Variants in LHFPL2 observed in about 807,000 individuals in gnomAD.
LHFPL2 encodes LHFPL tetraspan subfamily member 2 protein.
A neutral mutation model predicts 17.5 loss-of-function variants in LHFPL2; 7 were observed. The ratio of observed to expected loss-of-function variants is 0.40; its 90% CI spans 0.23 to 0.75. The LOEUF is 0.75. Ranked by LOEUF, LHFPL2 falls within the 30% of genes least tolerant of loss-of-function variation. The pLI is 0.37. For synonymous variants in LHFPL2, 134 were observed against 116.2 expected, an observed-to-expected ratio of 1.15 and a Z score of -0.99; for missense variants, 241 against 294.8, an observed-to-expected ratio of 0.82 and a Z score of 1.34.
At chr5:78,583,517 T>G (rs1222383350) in intron 2 of LHFPL2, among the ~76,000 whole-genome samples, 2,323 of 150,052 alleles carry the variant, frequency 0.015, 59 homozygotes, top group African/African-American at 0.054. Flanking sequence ...GTCTGTAAAG[T>G]ATTTTATTTC....
At chr5:78,524,611 G>A (rs181116000) in intron 3 of LHFPL2, among the ~76,000 whole-genome samples, 8 of 151,920 alleles carry the variant, frequency 5.3e-5, no homozygotes, top group Admixed American at 6.6e-5. Context: ...GTGTGGTGGC[G>A]GGCGCCTGTA....
chr5:78,624,453 C>A (rs1744962273), intron 2 of LHFPL2, among the ~76,000 whole-genome samples: 1 of 152,176 alleles, frequency 6.6e-6, no homozygotes. Flanking sequence ...GATAGCAGGC[C>A]AAGTGGTAAA....
Position 78,488,475 on chromosome 5 carries a change from G to GT in LHFPL2, c.*421_*422insA, listed in dbSNP as rs1479604906. 1 of 214,900 alleles carries GT rather than the reference G, an allele frequency of 4.7e-6. No individual in the cohort carries two copies. Among genetic ancestry groups the GT allele is most frequent in the African/African-American group, 2.3e-5 (1 of 43,908 alleles). 13.3% of individuals were successfully genotyped at this position (214,900 alleles called of 1,614,324 possible). A position where few individuals can be genotyped will look rare whatever the true frequency, so the allele number is the denominator to read the frequency against. On this transcript the variant is annotated 3_prime_UTR_variant, in exon 5 of 5. Coordinates refer to ENST00000380345, the MANE Select transcript of LHFPL2 (RefSeq NM_005779.3). ...AACTTGAAAGAACAGAGGAAAACAA[G>GT]AACTCCAACCCAAAACCCCATTCTG...
intron 2 of LHFPL2, among the ~76,000 whole-genome samples, chr5:78,605,939 C>T (rs1744197799): frequency 6.6e-6 from 1 of 152,162 alleles, no homozygotes; most frequent in Admixed American, 6.5e-5. Flanking sequence ...AAATTGCTTT[C>T]GTCAGCCACA....
chr5:78,546,913 T>TGG (rs2112385800), intron 3 of LHFPL2, among the ~76,000 whole-genome samples: 1 of 152,252 alleles, frequency 6.6e-6, no homozygotes, highest in Non-Finnish European at 1.5e-5. Flanking sequence ...TCTGAACCTG[T>TGG]GGTTTGCAAA....
chr5:78,599,827 C>T (rs1485823080), intron 2 of LHFPL2, among the ~76,000 whole-genome samples: 1 of 152,146 alleles, frequency 6.6e-6, no homozygotes, highest in Non-Finnish European at 1.5e-5. Flanking sequence ...CTTCCCATCC[C>T]TTAAAATCTG....
At chr5:78,598,546 G>A (rs1348211765) in intron 2 of LHFPL2, among the ~76,000 whole-genome samples, 1 of 152,176 alleles carries the variant, frequency 6.6e-6, no homozygotes, top group African/African-American at 2.4e-5. Flanking sequence ...TACCTATTAG[G>A]TGGTTTGTAT....
intron 2 of LHFPL2, among the ~76,000 whole-genome samples, chr5:78,601,286 T>C (rs1490264915): frequency 6.6e-6 from 1 of 152,216 alleles, no homozygotes; most frequent in Admixed American, 6.5e-5. Context: ...AAGGGATGAT[T>C]TGGTGTGCCT....
At chr5:78,592,207 G>T (rs1029994851) in intron 2 of LHFPL2, among the ~76,000 whole-genome samples, 1 of 152,186 alleles carries the variant, frequency 6.6e-6, no homozygotes, top group Non-Finnish European at 1.5e-5. Context: ...AATTCTGGAA[G>T]ACTTCAGAAG....
intron 4 of LHFPL2, among the ~76,000 whole-genome samples, chr5:78,501,389 CTCG>C (rs1056878401): frequency 1.3e-5 from 2 of 152,140 alleles, no homozygotes; most frequent in African/African-American, 4.8e-5. Flanking sequence ...TGGACCAGCA[CTCG>C]TTCAAAGGAA....
In LHFPL2 at chr5:78,487,600, AT is replaced by A. The variant is rs1357618187; in HGVS notation, c.*1296del. ...GCTGCTCTGGTCATTCTGAGATACT[AT>A]CTTCCTGAATCAGTGATATTGGTAA... is the stretch of plus-strand genomic sequence containing the variant. On this transcript the variant is annotated 3_prime_UTR_variant, in exon 5 of 5. Transcript: ENST00000380345. 1 of 152,208 alleles carries A rather than the reference AT, an allele frequency of 6.6e-6. No homozygotes were observed. The highest frequency in any genetic ancestry group is 1.9e-4 in the East Asian group (1 of 5,202). The allele number at this position is 152,208 out of a possible 1,614,324, so 9.4% of individuals were successfully genotyped here.
At chr5:78,543,599 C>A (rs1215703047) in intron 3 of LHFPL2, among the ~76,000 whole-genome samples, 1 of 152,178 alleles carries the variant, frequency 6.6e-6, no homozygotes, top group Non-Finnish European at 1.5e-5. Context: ...CCAGGCCTGG[C>A]CTTCTGGCTG....
At chr5:78,562,148 G>A (rs1004279024) in intron 3 of LHFPL2, among the ~76,000 whole-genome samples, 5 of 152,152 alleles carry the variant, frequency 3.3e-5, no homozygotes, top group Admixed American at 6.5e-5. Context: ...TGTTTACTAC[G>A]TATCACACGC....
intron 2 of LHFPL2, among the ~76,000 whole-genome samples, chr5:78,611,819 C>A (rs746171028): frequency 6.6e-6 from 1 of 152,138 alleles, no homozygotes; most frequent in Admixed American, 6.5e-5. Context: ...ACTTTTTTTA[C>A]AGAAAATCTA....
chr5:78,599,726 G>A (rs1432653922), intron 2 of LHFPL2, among the ~76,000 whole-genome samples: 1 of 152,158 alleles, frequency 6.6e-6, no homozygotes, highest in Non-Finnish European at 1.5e-5. Flanking sequence ...CCTAGCCCAT[G>A]AGATCTTGTC....
intron 2 of LHFPL2, among the ~76,000 whole-genome samples, chr5:78,574,687 A>G (rs1440350382): frequency 6.6e-6 from 1 of 152,264 alleles, no homozygotes. Flanking sequence ...AATTGATTGA[A>G]GTCCTTTTCC....
chr5:78,499,167 A>G (rs1166633140), intron 4 of LHFPL2, among the ~76,000 whole-genome samples: 2 of 152,192 alleles, frequency 1.3e-5, no homozygotes, highest in Admixed American at 6.5e-5. Flanking sequence ...TAAAGATGAA[A>G]TGGAGATGAA....
At chr5:78,517,662 C>T (rs2009988) in intron 3 of LHFPL2, among the ~76,000 whole-genome samples, 137,557 of 152,154 alleles carry the variant, frequency 0.9, 62,365 homozygotes, top group African/African-American at 0.95. Flanking sequence ...CGTGAGACTA[C>T]TGACTATCAT....
At chr5:78,588,110 G>T (rs1050830697) in intron 2 of LHFPL2, among the ~76,000 whole-genome samples, 1 of 152,158 alleles carries the variant, frequency 6.6e-6, no homozygotes, top group Non-Finnish European at 1.5e-5. Context: ...AATTCTAGCT[G>T]GCCAACAGCC....
Sources: gnomAD v4.1 joint callset for allele counts (sites outside exome capture counted in the v4.1 genomes callset) on GRCh38, gnomAD v4.1.1 for gene constraint, MANE v1.5 for transcripts, NCBI Gene and HGNC (gene_info 2026-07-23, HGNC 2026-07-21) for gene names.